Variants in RBPMS observed in about 807,000 individuals in gnomAD.
RBPMS encodes the protein RNA binding protein, mRNA processing factor, also known as RNA-binding protein with multiple splicing.
RBPMS carries 7 observed loss-of-function variants against 26.8 expected under a neutral mutation model. The ratio of observed to expected loss-of-function variants is 0.26; its 90% CI spans 0.15 to 0.49. RBPMS has a LOEUF of 0.49. Ranked by LOEUF, RBPMS falls within the 20% of genes least tolerant of loss-of-function variation. The pLI is 0.98. For synonymous variants in RBPMS, 96 were observed against 93.3 expected, an observed-to-expected ratio of 1.03 and a Z score of -0.17; for missense variants, 186 against 250.0, an observed-to-expected ratio of 0.74 and a Z score of 1.73.
At position 30,385,002 on chromosome 8, in the gene RBPMS, C is replaced by CG; in HGVS notation, c.-89dup. 9.7e-7 allele frequency: 1 copy of CG among 1,035,362 alleles called. No homozygotes were observed. Among genetic ancestry groups the CG allele is most frequent in the South Asian group, 2.3e-5 (1 of 43,790 alleles). 64.1% of individuals were successfully genotyped at this position (1,035,362 alleles called of 1,614,324 possible). On this transcript the variant is annotated 5_prime_UTR_variant, in exon 1 of 9. Coordinates refer to ENST00000397323, the MANE Select transcript of RBPMS (RefSeq NM_001008710.3). Reference sequence around the variant, plus strand: ...CCGCGGCGCCCGCCCGAGGGAGCCCCGGCGCCCGGGGAAGGCTCCAGTGGG... The same window carrying CG: ...CCGCGGCGCCCGCCCGAGGGAGCCCCGGGCGCCCGGGGAAGGCTCCAGTGGG...
Position 30,530,899 on chromosome 8 carries a change from C to T in RBPMS, c.398-13595C>T, listed in dbSNP as rs545670364. Among the ~76,000 whole-genome samples the T allele has an allele frequency of 3.9e-5, 6 of 152,244 alleles. No individual in the cohort carries two copies. The South Asian group carries it at 1.0e-3, about 26-fold the overall frequency. On this transcript the variant is annotated intron_variant, in intron 5 of 8. Transcript: ENST00000397323. The stretch of plus-strand genomic sequence containing the variant: ...CCGAGGTCACATAGATGGTAAGTGA[C>T]CAGGGACTTCAAACCTAGATCTACC...
Position 30,556,413 on chromosome 8 carries a change from CAG to C in RBPMS, c.529-2469_529-2468del, listed in dbSNP as rs1385435505. 6 of 985,770 alleles carry C rather than the reference CAG, an allele frequency of 6.1e-6. No individual in the cohort carries two copies. The Admixed American group carries it at 3.1e-4, about 50-fold the overall frequency. 61.1% of individuals were successfully genotyped at this position (985,770 alleles called of 1,614,324 possible). On this transcript the variant is annotated intron_variant, in intron 6 of 8. Transcript: ENST00000397323. ...GTGAGGGCTGTGTGCGAGAGCTGGTCAGAGAGGCTGGGGCAGGGCTTCCTTCT... is the reference window on the plus strand; with the variant it reads ...GTGAGGGCTGTGTGCGAGAGCTGGTCAGAGGCTGGGGCAGGGCTTCCTTCT...
At chr8:30,493,309 G>T (rs1003164332) in intron 4 of RBPMS, among the ~76,000 whole-genome samples, 1 of 152,150 alleles carries the variant, frequency 6.6e-6, no homozygotes, top group Non-Finnish European at 1.5e-5. Context: ...TCATTTAGCA[G>T]GTAGCAGGAG....
chr8:30,481,328 A>G (rs1375413799), intron 4 of RBPMS, among the ~76,000 whole-genome samples: 1 of 149,908 alleles, frequency 6.7e-6, no homozygotes, highest in Non-Finnish European at 1.5e-5. Context: ...TAGTCAAAAA[A>G]AACTGTGTTT....
intron 7 of RBPMS, chr8:30,564,181 C>G (rs1827721833): frequency 6.6e-6 from 1 of 152,166 alleles, no homozygotes. Context: ...CAGCAAAGAC[C>G]TAGAACTTCA....
intron 1 of RBPMS, among the ~76,000 whole-genome samples, chr8:30,389,098 C>A (rs1807469983): frequency 6.6e-6 from 1 of 152,210 alleles, no homozygotes; most frequent in South Asian, 2.1e-4. Flanking sequence ...TAAAGTCAAT[C>A]TACATTGTGA....
intron 1 of RBPMS, among the ~76,000 whole-genome samples, chr8:30,410,082 A>C (rs1809148180): frequency 6.6e-6 from 1 of 151,310 alleles, no homozygotes; most frequent in Non-Finnish European, 1.5e-5. Context: ...CCAAGCTAAG[A>C]TCCCTGCCTC....
chr8:30,500,186 G>A (rs927614696), intron 4 of RBPMS, among the ~76,000 whole-genome samples: 2 of 152,022 alleles, frequency 1.3e-5, no homozygotes, highest in African/African-American at 2.4e-5. Flanking sequence ...AAAAGTCTGT[G>A]CCCTCTCTCA....
At chr8:30,563,346 T>G (rs1181391582) in intron 7 of RBPMS, among the ~76,000 whole-genome samples, 1 of 152,208 alleles carries the variant, frequency 6.6e-6, no homozygotes, top group African/African-American at 2.4e-5. Flanking sequence ...GATTGAAAAT[T>G]GTCAGTTTCC....
At chr8:30,482,918 T>C (rs1352631674) in intron 4 of RBPMS, among the ~76,000 whole-genome samples, 2 of 152,138 alleles carry the variant, frequency 1.3e-5, no homozygotes, top group African/African-American at 4.8e-5. Flanking sequence ...TAAATCAAAT[T>C]CACTAATATA....
At chr8:30,493,186 G>C (rs1819575409) in intron 4 of RBPMS, among the ~76,000 whole-genome samples, 1 of 152,126 alleles carries the variant, frequency 6.6e-6, no homozygotes, top group African/African-American at 2.4e-5. Context: ...TTAAAAATTT[G>C]TTTATAGGTT....
intron 5 of RBPMS, among the ~76,000 whole-genome samples, chr8:30,520,451 C>T (rs768966942): frequency 2.0e-5 from 3 of 152,020 alleles, no homozygotes; most frequent in South Asian, 2.1e-4. Context: ...AGTCATTATT[C>T]TTTCTGATGC....
intron 1 of RBPMS, chr8:30,442,586 G>A (rs942137545): frequency 2.0e-5 from 3 of 152,306 alleles, no homozygotes; most frequent in African/African-American, 7.2e-5. Flanking sequence ...GTTCACGGTG[G>A]GGCCAGTCCT....
chr8:30,481,111 A>C (rs1476013224), intron 4 of RBPMS, among the ~76,000 whole-genome samples: 1 of 152,208 alleles, frequency 6.6e-6, no homozygotes, highest in East Asian at 1.9e-4. Context: ...TTTTTTAAAG[A>C]TAACTGAAGG....
intron 1 of RBPMS, among the ~76,000 whole-genome samples, chr8:30,416,519 G>A (rs1585389726): frequency 6.6e-6 from 1 of 152,162 alleles, no homozygotes; most frequent in South Asian, 2.1e-4. Context: ...GTCTCGCTCT[G>A]TTGCCCAGGC....
chr8:30,480,462 CT>C (rs1818160035), intron 4 of RBPMS, among the ~76,000 whole-genome samples: 1 of 152,150 alleles, frequency 6.6e-6, no homozygotes, highest in South Asian at 2.1e-4. Flanking sequence ...GGTTTTTAGA[CT>C]TTGGAACAAA....
intron 1 of RBPMS, among the ~76,000 whole-genome samples, chr8:30,413,681 C>G (rs545753773): frequency 6.6e-6 from 1 of 151,980 alleles, no homozygotes; most frequent in Non-Finnish European, 1.5e-5. Flanking sequence ...GGCATGATCT[C>G]GGCTCAGTGC....
intron 4 of RBPMS, among the ~76,000 whole-genome samples, chr8:30,498,299 A>G (rs999195925): frequency 7.9e-5 from 12 of 152,088 alleles, no homozygotes; most frequent in South Asian, 2.1e-4. Context: ...CAGAAAGTCA[A>G]AGCAGGTGGG....
intron 4 of RBPMS, among the ~76,000 whole-genome samples, chr8:30,487,178 A>G (rs1370589105): frequency 6.6e-6 from 1 of 152,204 alleles, no homozygotes. Context: ...GACTACCCAC[A>G]TTACTGACGG....
Sources: gnomAD v4.1 joint callset for allele counts (sites outside exome capture counted in the v4.1 genomes callset) on GRCh38, gnomAD v4.1.1 for gene constraint, MANE v1.5 for transcripts, NCBI Gene and HGNC (gene_info 2026-07-23, HGNC 2026-07-21) for gene names.